Variants in SLC4A4 observed in about 807,000 individuals in gnomAD.
SLC4A4 encodes the protein electrogenic sodium bicarbonate cotransporter 1.
A neutral mutation model predicts 111.5 loss-of-function variants in SLC4A4; 27 were observed. The ratio of observed to expected loss-of-function variants is 0.24; its 90% CI spans 0.18 to 0.33. The LOEUF (loss-of-function observed/expected upper bound fraction) is 0.33. Ranked by LOEUF, SLC4A4 falls within the 10% of genes least tolerant of loss-of-function variation. The pLI, the probability that SLC4A4 is intolerant of heterozygous loss-of-function variation, is 1.00. For synonymous variants in SLC4A4, 443 were observed against 463.4 expected, an observed-to-expected ratio of 0.96 and a Z score of 0.57; for missense variants, 909 against 1,315.5, an observed-to-expected ratio of 0.69 and a Z score of 4.78.
At position 71,250,455 on chromosome 4, in the gene SLC4A4, G is replaced by A. The variant is rs1283057396; in HGVS notation, c.74-4765G>A. 5.9e-5 allele frequency among the ~76,000 whole-genome samples: 9 copies of A among 152,238 alleles called. No individual in the cohort carries two copies. The East Asian group carries it at 1.7e-3, about 29-fold the overall frequency. Reference sequence around the variant, plus strand: ...ATGTATGTAAGAGGCTGGAGGTAGGGGATGGATGGTGGGAGGTGGGGAAAG... The same window carrying A: ...ATGTATGTAAGAGGCTGGAGGTAGGAGATGGATGGTGGGAGGTGGGGAAAG... On this transcript the variant is annotated intron_variant, in intron 2 of 25. Transcript: ENST00000264485.
intron 2 of SLC4A4, 65 bp downstream of exon 2, chr4:71,236,714 C>T (rs866220910): frequency 1.6e-6 from 2 of 1,272,684 alleles, no homozygotes; most frequent in African/African-American, 1.5e-5. Flanking sequence ...TAATAACATT[C>T]ATGCATTTCA....
At position 71,472,890 on chromosome 4, in the gene SLC4A4, C is replaced by A; in HGVS notation, c.1823C>A (p.Ala608Glu). ...YDAFKKMIKL[A>E]DYYPINSNFK... ...GCTTTCAAGAAGATGATCAAGCTTG[C>A]AGATTACTACCCCATCAACTCCAAC... The change falls in exon 14 of 26, where the codon GCA becomes GAA. Residue 608 changes from alanine (A) to glutamate (E), a missense_variant. Around this residue, in one of 7 missense-constraint regions of SLC4A4, gnomAD observed 264 missense variants for 356.8 expected, o/e 0.74. Coordinates refer to ENST00000264485, the MANE Select transcript of SLC4A4 (RefSeq NM_001098484.3). The A allele has an allele frequency of 2.5e-6, 4 of 1,612,788 alleles. No homozygotes were observed. Among genetic ancestry groups the A allele is most frequent in the Non-Finnish European group, 3.4e-6 (4 of 1,179,260 alleles).
intron 22 of SLC4A4, among the ~76,000 whole-genome samples, chr4:71,558,111 A>G (rs909853628): frequency 6.6e-6 from 1 of 151,966 alleles, no homozygotes; most frequent in East Asian, 1.9e-4. Context: ...GTTCATGCTC[A>G]GCAGTAAACT....
intron 2 of SLC4A4, among the ~76,000 whole-genome samples, chr4:71,093,049 C>T (rs1051849107): frequency 1.1e-4 from 14 of 125,444 alleles, no homozygotes; most frequent in African/African-American, 4.8e-4. Flanking sequence ...GAACCGAGAT[C>T]ACGCCACTGC....
chr4:71,461,536 T>A (rs1726823725), intron 12 of SLC4A4, among the ~76,000 whole-genome samples: 1 of 152,236 alleles, frequency 6.6e-6, no homozygotes, highest in African/African-American at 2.4e-5. Context: ...TGTTTCATCA[T>A]CTTGAATGTG....
chr4:71,323,150 A>T (rs1383146209), intron 3 of SLC4A4, among the ~76,000 whole-genome samples: 1 of 151,990 alleles, frequency 6.6e-6, no homozygotes, highest in Non-Finnish European at 1.5e-5. Context: ...GCAACTAAAA[A>T]ACCTTAATTG....
chr4:71,557,072 A>G (rs576917366), intron 21 of SLC4A4, among the ~76,000 whole-genome samples: 147 of 152,066 alleles, frequency 9.7e-4, no homozygotes, highest in African/African-American at 3.4e-3. Context: ...ATACGATAGC[A>G]TCCCTTAGAT....
chr4:71,514,833 A>G (rs994224737), intron 16 of SLC4A4, among the ~76,000 whole-genome samples: 1 of 151,946 alleles, frequency 6.6e-6, no homozygotes, highest in Non-Finnish European at 1.5e-5. Context: ...ATGAGTTGTA[A>G]TGTGTCCTTT....
intron 2 of SLC4A4, among the ~76,000 whole-genome samples, chr4:71,177,077 T>A (rs186163550): frequency 1.4e-4 from 22 of 152,256 alleles, no homozygotes; most frequent in African/African-American, 5.1e-4. Context: ...CCAGCCAAAC[T>A]AAGCTTCATA....
intron 2 of SLC4A4, among the ~76,000 whole-genome samples, chr4:71,239,685 C>T (rs1025613209): frequency 6.6e-6 from 1 of 152,134 alleles, no homozygotes; most frequent in Non-Finnish European, 1.5e-5. Flanking sequence ...AAGGCCTAAA[C>T]CTCATTGTCA....
intron 23 of SLC4A4, among the ~76,000 whole-genome samples, chr4:71,561,353 T>G (rs1027530250): frequency 6.6e-6 from 1 of 151,850 alleles, no homozygotes; most frequent in African/African-American, 2.4e-5. Context: ...AATAAAATTG[T>G]ATATATGTAA....
intron 7 of SLC4A4, among the ~76,000 whole-genome samples, chr4:71,410,925 G>A (rs1721307955): frequency 2.6e-5 from 4 of 152,080 alleles, no homozygotes. Flanking sequence ...TTTTTACATT[G>A]ATACAAACTA....
chr4:71,234,458 C>G (rs1719660019), intron 1 of SLC4A4, among the ~76,000 whole-genome samples: 1 of 152,234 alleles, frequency 6.6e-6, no homozygotes. Flanking sequence ...CGGAGTCTCA[C>G]TCTTTCGCCC....
At chr4:71,309,614 A>C (rs915472608) in intron 3 of SLC4A4, among the ~76,000 whole-genome samples, 1 of 152,086 alleles carries the variant, frequency 6.6e-6, no homozygotes, top group Admixed American at 6.6e-5. Flanking sequence ...AACTAACAAA[A>C]CAAGAAGCAA....
At chr4:71,068,847 G>A (rs1363933258) in intron 1 of SLC4A4, among the ~76,000 whole-genome samples, 1 of 152,172 alleles carries the variant, frequency 6.6e-6, no homozygotes, top group African/African-American at 2.4e-5. Flanking sequence ...GATTACAGGT[G>A]TGTGCCATTA....
chr4:71,189,962 T>C (rs189242805), intron 1 of SLC4A4, among the ~76,000 whole-genome samples: 1 of 152,316 alleles, frequency 6.6e-6, no homozygotes, highest in East Asian at 1.9e-4. Flanking sequence ...GAATGCATGA[T>C]TTGATGGGAC....
rs565573713 is a variant in SLC4A4 at position 71,171,622 on chromosome 4, G to A, written c.-1-64954G>A. ...CTTAAACTTTTTTAGTATTACGTGC[G>A]GTGACTTCCATTTGCTTTGACTGGT... is the stretch of plus-strand genomic sequence containing the variant. On this transcript the variant is annotated intron_variant, in intron 2 of 26. Transcript: ENST00000649996. Among the ~76,000 whole-genome samples, 12 of 152,230 alleles carry A rather than the reference G, an allele frequency of 7.9e-5. No individual in the cohort carries two copies. In the East Asian group the frequency reaches 1.2e-3, roughly 15 times the overall value.
At chr4:71,496,513 T>C (rs967975673) in intron 15 of SLC4A4, among the ~76,000 whole-genome samples, 26 of 152,000 alleles carry the variant, frequency 1.7e-4, no homozygotes, top group African/African-American at 6.0e-4. Flanking sequence ...AGACCCCGGT[T>C]AGTATTGGTC....
chr4:71,272,502 C>A (rs1435297782), intron 3 of SLC4A4, among the ~76,000 whole-genome samples: 1 of 151,924 alleles, frequency 6.6e-6, no homozygotes, highest in Non-Finnish European at 1.5e-5. Context: ...TACTAGAGGG[C>A]GTCATGTTAA....
Sources: allele counts gnomAD v4.1 joint callset (sites outside exome capture counted in the v4.1 genomes callset), GRCh38; gene constraint gnomAD v4.1.1; regional missense constraint gnomAD v4.1.1; transcripts MANE v1.5; gene names NCBI Gene and HGNC (gene_info 2026-07-23, HGNC 2026-07-21).